Variants in XPO1 observed in about 807,000 individuals in gnomAD.
XPO1 encodes the protein exportin-1.
In XPO1, 5 loss-of-function variants were observed where a neutral mutation model predicts 133.3. That is an observed-to-expected ratio of 0.04 (90% confidence interval 0.02 to 0.08). XPO1 has a LOEUF of 0.08. Among genes scored for constraint, XPO1 ranks in the 10% least tolerant of loss-of-function variants. The pLI, the probability that XPO1 is intolerant of heterozygous loss-of-function variation, is 1.00. For synonymous variants in XPO1, 419 were observed against 408.2 expected (o/e 1.03, Z -0.32); for missense variants, 506 against 1,267.5 (o/e 0.40, Z 9.12).
intron 4 of XPO1, among the ~76,000 whole-genome samples, chr2:61,518,417 A>AACACACACACACACACACAC (rs200566050): frequency 2.4e-5 from 3 of 124,458 alleles, no homozygotes; most frequent in Non-Finnish European, 3.4e-5. Context: ...CAAAAAACAA[A>AACACACACACACACACACAC]ACACACACAC....
chr2:61,482,796 A>G, intron 22 of XPO1, 161 bp downstream of exon 22: 1 of 859,176 alleles, frequency 1.2e-6, no homozygotes, highest in Non-Finnish European at 1.7e-6. Context: ...TTATTTTTTT[A>G]TGGTATTTTT....
At position 61,506,560 on chromosome 2, in the gene XPO1, C is replaced by CTGCA. The variant is rs1697824408; in HGVS notation, c.302-4254_302-4251dup. Among the ~76,000 whole-genome samples, 8 of 136,540 alleles carry CTGCA rather than the reference C, an allele frequency of 5.9e-5. No homozygotes were observed. In the South Asian group the frequency reaches 1.8e-3, roughly 31 times the overall value. 89.6% of individuals were successfully genotyped at this position (136,540 alleles called of 152,430 possible). A position where few individuals can be genotyped will look rare whatever the true frequency, so the allele number is the denominator to read the frequency against. On this transcript the variant is annotated intron_variant, in intron 4 of 24. Coordinates refer to ENST00000401558, the MANE Select transcript of XPO1 (RefSeq NM_003400.4). The stretch of plus-strand genomic sequence containing the variant: ...GTTGCTCTGAGCCAAGATCGTGCCA[C>CTGCA]TGCACTCCAGTCTGGGCGACAGAGC...
At chr2:61,513,330 T>C (rs1410234014) in intron 4 of XPO1, among the ~76,000 whole-genome samples, 1 of 146,550 alleles carries the variant, frequency 6.8e-6, no homozygotes, top group East Asian at 2.1e-4. Flanking sequence ...AAGCTAAAAC[T>C]ATAAAGGTTC....
Position 61,484,057 on chromosome 2 carries a change from G to T in XPO1, c.2557C>A (p.Gln853Lys). Residue 853 changes from glutamine to lysine, a missense_variant, in exon 21 of 25, where the codon CAG becomes AAG. Physicochemically the swap from Gln to Lys is moderately conservative, Grantham distance 53. Coordinates refer to ENST00000401558, the MANE Select transcript of XPO1 (RefSeq NM_003400.4). The part of the protein sequence containing the change: ...EHRTNFFLLL[Q>K]AVNSHCFPAF... The stretch of plus-strand genomic sequence containing the variant: ...GGGAAACAATGAGAATTGACAGCCT[G>T]AAGTAGTAAGAAAAAGTTCGTTCTA... 6.2e-7 allele frequency: 1 copy of T among 1,613,888 alleles called. No homozygotes were observed. Among genetic ancestry groups the T allele is most frequent in the Non-Finnish European group, 8.5e-7 (1 of 1,179,840 alleles).
chr2:61,511,797 C>T (rs572152551), intron 4 of XPO1, among the ~76,000 whole-genome samples: 7 of 150,944 alleles, frequency 4.6e-5, no homozygotes, highest in East Asian at 3.9e-4. Flanking sequence ...CTTGCTCTGT[C>T]GCCCAGGCTG....
intron 17 of XPO1, 56 bp from the exon 18 acceptor site, chr2:61,488,827 A>T: frequency 6.3e-7 from 1 of 1,583,376 alleles, no homozygotes; most frequent in South Asian, 1.1e-5. Context: ...CACGGCTGGG[A>T]ACAGTGGCTC....
chr2:61,493,690 G>A (rs1697104362), intron 12 of XPO1: 1 of 550,798 alleles, frequency 1.8e-6, no homozygotes, highest in Non-Finnish European at 3.1e-6. Flanking sequence ...CACAACCAAT[G>A]TTGATACTGA....
In XPO1 at chr2:61,493,927, G is replaced by A; in HGVS notation, c.1212C>T (p.Pro404=). 1 of 1,614,088 alleles carries A rather than the reference G, an allele frequency of 6.2e-7. No homozygotes were observed. Among genetic ancestry groups the A allele is most frequent in the Admixed American group, 1.7e-5 (1 of 60,006 alleles). Residue 404 remains proline (P), a synonymous_variant, in exon 12 of 25, where the codon CCC becomes CCT. Transcript: ENST00000401558. ...LSGSQHFDVP[P]RRQLYLPMLF... is the part of the protein sequence containing the mutation. The stretch of plus-strand genomic sequence containing the variant: ...ACATGGGCAAATATAGCTGTCTCCT[G>A]GGAGGAACATCAAAATGTTGACTTC...
intron 2 of XPO1, among the ~76,000 whole-genome samples, chr2:61,527,300 T>G (rs918754499): frequency 7.3e-6 from 1 of 136,194 alleles, no homozygotes; most frequent in African/African-American, 2.8e-5. Flanking sequence ...TGACAGGCAA[T>G]GTAACGAGGC....
intron 4 of XPO1, among the ~76,000 whole-genome samples, chr2:61,509,016 T>C (rs72888739): frequency 8.7e-4 from 133 of 152,240 alleles, no homozygotes; most frequent in African/African-American, 2.6e-3. Context: ...GACTGACTGA[T>C]TGAGATGGAG....
chr2:61,528,276 G>A lies in XPO1; in HGVS notation c.127-1755C>T, dbSNP rs182045755. Among the ~76,000 whole-genome samples, 40 of 151,978 alleles carry A rather than the reference G, an allele frequency of 2.6e-4. 1 individual carries two copies. In the East Asian group the frequency reaches 6.6e-3, roughly 25 times the overall value. ...TGTCTTTTCCTGTCCACATTTTCAC[G>A]GCATGTGTGTAAATTTCATGAATAG... On this transcript the variant is annotated intron_variant, in intron 2 of 24. Transcript: ENST00000401558.
At chr2:61,525,959 A>G (rs1558676222) in intron 3 of XPO1, 2 of 1,055,974 alleles carry the variant, frequency 1.9e-6, no homozygotes, top group African/African-American at 1.7e-5. Flanking sequence ...GACCAGAATT[A>G]TAACATTTTC....
intron 4 of XPO1, among the ~76,000 whole-genome samples, chr2:61,504,634 T>C (rs1697707208): frequency 6.6e-6 from 1 of 152,176 alleles, no homozygotes; most frequent in Non-Finnish European, 1.5e-5. Context: ...CTGAGTGAAA[T>C]TTTCGTTGAA....
chr2:61,532,622 G>A (rs905367344), intron 2 of XPO1, among the ~76,000 whole-genome samples: 8 of 150,776 alleles, frequency 5.3e-5, no homozygotes, highest in African/African-American at 1.7e-4. Context: ...CGGATCACGA[G>A]GTCAGGAGAT....
At chr2:61,502,171 G>A in intron 5 of XPO1, 78 bp downstream of exon 5, 1 of 1,550,278 alleles carries the variant, frequency 6.5e-7, no homozygotes, top group African/African-American at 1.4e-5. Context: ...TATGTGTCTT[G>A]ACAGAATTAG....
chr2:61,515,933 A>AAAC (rs1043930178), intron 4 of XPO1, among the ~76,000 whole-genome samples: 2 of 121,648 alleles, frequency 1.6e-5, no homozygotes, highest in Non-Finnish European at 3.4e-5. Context: ...AAAAAAAAAA[A>AAAC]AAACCACACA....
At chr2:61,523,648 A>G (rs937264763) in intron 3 of XPO1, among the ~76,000 whole-genome samples, 3 of 152,222 alleles carry the variant, frequency 2.0e-5, no homozygotes, top group Non-Finnish European at 2.9e-5. Flanking sequence ...TCAGATTGCA[A>G]GTTTTGGCTG....
intron 17 of XPO1, among the ~76,000 whole-genome samples, chr2:61,489,795 C>A (rs1696881744): frequency 6.6e-6 from 1 of 152,096 alleles, no homozygotes. Flanking sequence ...ACCTGGTGAT[C>A]CGCCTGCCTC....
intron 2 of XPO1, among the ~76,000 whole-genome samples, chr2:61,529,890 T>A (rs533654422): frequency 2.7e-4 from 41 of 152,290 alleles, no homozygotes; most frequent in African/African-American, 7.2e-4. Flanking sequence ...GACGCCTGCT[T>A]CCATTGTGAG....
Sources: allele counts gnomAD v4.1 joint callset (sites outside exome capture counted in the v4.1 genomes callset), GRCh38; gene constraint gnomAD v4.1.1; transcripts MANE v1.5; gene names NCBI Gene and HGNC (gene_info 2026-07-23, HGNC 2026-07-21).